FBXO8: variants seen among roughly 807,000 people sequenced by gnomAD.
The protein encoded by FBXO8 is F-box protein 8, also known as F-box only protein 8.
In FBXO8, 15 loss-of-function variants were observed where a neutral mutation model predicts 33.4. The ratio of observed to expected loss-of-function variants is 0.45; its 90% CI spans 0.30 to 0.69. The LOEUF (loss-of-function observed/expected upper bound fraction) is 0.69, where lower values mean the gene tolerates loss of function less well. FBXO8 is among the 30% of genes least tolerant of loss of function. FBXO8 has a pLI of 0.08. For synonymous variants in FBXO8, 132 were observed against 131.5 expected, an observed-to-expected ratio of 1.00 and a Z score of -0.02; for missense variants, 274 against 380.3, an observed-to-expected ratio of 0.72 and a Z score of 2.32.
chr4:174,246,931 C>T (rs984686368), intron 3 of FBXO8, among the ~76,000 whole-genome samples: 3 of 151,818 alleles, frequency 2.0e-5, no homozygotes, highest in Non-Finnish European at 4.4e-5. Flanking sequence ...CTATCAACAA[C>T]GATGCAGGAT....
At chr4:174,266,598 G>A (rs1393754694) in intron 1 of FBXO8, among the ~76,000 whole-genome samples, 3 of 152,138 alleles carry the variant, frequency 2.0e-5, no homozygotes, top group Non-Finnish European at 4.4e-5. Flanking sequence ...AAAATGACGT[G>A]ACATCCATTG....
At position 174,254,303 on chromosome 4, in the gene FBXO8, A is replaced by G. The variant is rs1423093514; in HGVS notation, c.456+5396T>C. On this transcript the variant is annotated intron_variant, in intron 3 of 5. Coordinates refer to ENST00000393674, the MANE Select transcript of FBXO8 (RefSeq NM_012180.3). This position sits in a 1 kb window ranked among gnomAD's most constrained non-coding sequence, Gnocchi z 4.2. ...GTGTCTTACTGTCAACTTGGTTCACATTCTACTACCTGTAAGTTTATTCCT... is the reference window on the plus strand; with the variant it reads ...GTGTCTTACTGTCAACTTGGTTCACGTTCTACTACCTGTAAGTTTATTCCT... 6.6e-6 allele frequency among the ~76,000 whole-genome samples: 1 copy of G among 152,204 alleles called. No homozygotes were observed. Among genetic ancestry groups the G allele is most frequent in the African/African-American group, 2.4e-5 (1 of 41,460 alleles).
Position 174,256,891 on chromosome 4 carries a change from G to A in FBXO8, c.456+2808C>T, listed in dbSNP as rs891026602. Among the ~76,000 whole-genome samples, 2 of 151,684 alleles carry A rather than the reference G, an allele frequency of 1.3e-5. No individual in the cohort carries two copies. Among genetic ancestry groups the A allele is most frequent in the Non-Finnish European group, 2.9e-5 (2 of 67,950 alleles). ...TTCAGTGCCTCTGGAATGTTCCAGA[G>A]TATCTTTAAATCAGGCCAGGGAGTA... On this transcript the variant is annotated intron_variant, in intron 3 of 5. Transcript: ENST00000393674. The surrounding 1 kb of genome is among the most constrained non-coding windows in gnomAD (Gnocchi z 4.6).
Position 174,247,419 on chromosome 4 carries a change from C to CTTG in FBXO8, c.457-6202_457-6201insCAA, listed in dbSNP as rs35289200. Among the ~76,000 whole-genome samples, 47,208 of 151,650 alleles carry CTTG rather than the reference C, an allele frequency of 0.31. 7,833 individuals carry two copies. The highest frequency in any genetic ancestry group is 0.37 in the Non-Finnish European group (24,801 of 67,800). On this transcript the variant is annotated intron_variant, in intron 3 of 5. Transcript: ENST00000393674. The surrounding 1 kb of genome is among the most constrained non-coding windows in gnomAD (Gnocchi z 4.6). ...GTAAAATCTAGTACAATGGCCACTACTTTTCAGGTCATCAAACTGCCCTTA... is the reference window on the plus strand; with the variant it reads ...GTAAAATCTAGTACAATGGCCACTACTTGTTTTCAGGTCATCAAACTGCCCTTA...
Position 174,272,767 on chromosome 4 carries a change from A to G in FBXO8, c.-8-9667T>C, listed in dbSNP as rs1323500405. 2.0e-5 allele frequency among the ~76,000 whole-genome samples: 3 copies of G among 152,222 alleles called. No individual in the cohort carries two copies. Among genetic ancestry groups the G allele is most frequent in the South Asian group, 2.1e-4 (1 of 4,830 alleles). Reference sequence around the variant, plus strand: ...ACAGAATCCCAAAGTATCTTCCCACATATCAGTCATTAATTACAAGAAAAA... The same window carrying G: ...ACAGAATCCCAAAGTATCTTCCCACGTATCAGTCATTAATTACAAGAAAAA... On this transcript the variant is annotated intron_variant, in intron 1 of 5. Transcript: ENST00000393674. This position sits in a 1 kb window ranked among gnomAD's most constrained non-coding sequence, Gnocchi z 4.7.
At position 174,252,129 on chromosome 4, in the gene FBXO8, C is replaced by G. The variant is rs912477216; in HGVS notation, c.456+7570G>C. Among the ~76,000 whole-genome samples the G allele has an allele frequency of 6.6e-6, 1 of 151,992 alleles. No individual in the cohort carries two copies. Among genetic ancestry groups the G allele is most frequent in the Non-Finnish European group, 1.5e-5 (1 of 68,004 alleles). ...GACTCCAGACACATGCTATCATACC[C>G]GGTTAATTTCTGTATTTTTTGTAGA... On this transcript the variant is annotated intron_variant, in intron 3 of 5. Transcript: ENST00000393674. This position sits in a 1 kb window ranked among gnomAD's most constrained non-coding sequence, Gnocchi z 5.1.
intron 4 of FBXO8, 110 bp downstream of exon 4, chr4:174,240,990 C>T (rs1736021822): frequency 1.8e-6 from 1 of 551,242 alleles, no homozygotes; most frequent in Admixed American, 3.6e-5. Context: ...TGTCTTTATT[C>T]AATTTTGCAA....
At chr4:174,248,891 G>C (rs1736224127) in intron 3 of FBXO8, among the ~76,000 whole-genome samples, 1 of 152,016 alleles carries the variant, frequency 6.6e-6, no homozygotes, top group Admixed American at 6.6e-5. Context: ...CCACATAAAA[G>C]AGTGATGGTT....
In FBXO8 at chr4:174,263,119, G is replaced by A. The variant is rs1227029768; in HGVS notation, c.-8-19C>T. On this transcript the variant is annotated intron_variant, in intron 1 of 5. Transcript: ENST00000393674. The surrounding 1 kb of genome is among the most constrained non-coding windows in gnomAD (Gnocchi z 4.2). ...TGCAAGCCTGGGAAAAAGCCAGAAT[G>A]TAATAAGGGTGACATTTAAAAAGTA... 1.9e-6 allele frequency: 3 copies of A among 1,596,984 alleles called. No individual in the cohort carries two copies. The highest frequency in any genetic ancestry group is 1.7e-5 in the Admixed American group (1 of 58,906).
intron 3 of FBXO8, among the ~76,000 whole-genome samples, chr4:174,249,571 C>T (rs781424695): frequency 7.9e-5 from 12 of 151,874 alleles, no homozygotes; most frequent in Non-Finnish European, 5.9e-5. Flanking sequence ...TTTAACAGCT[C>T]TGAAACAGTT....
Position 174,257,709 on chromosome 4 carries a change from C to A in FBXO8, c.456+1990G>T, listed in dbSNP as rs1736447573. Among the ~76,000 whole-genome samples, 1 of 152,108 alleles carries A rather than the reference C, an allele frequency of 6.6e-6. No individual in the cohort carries two copies. Among genetic ancestry groups the A allele is most frequent in the Admixed American group, 6.6e-5 (1 of 15,254 alleles). On this transcript the variant is annotated intron_variant, in intron 3 of 5. Coordinates refer to ENST00000393674, the MANE Select transcript of FBXO8 (RefSeq NM_012180.3). This position sits in a 1 kb window ranked among gnomAD's most constrained non-coding sequence, Gnocchi z 4.3. ...TCATTGAGACAGGGTCTCACTCTCA[C>A]AGCTTATTGCACTCTTGACCTCTGG...
rs1736321395 is a variant in FBXO8 at position 174,252,665 on chromosome 4, A to ACACACACACACG, written c.456+7022_456+7033dup. Among the ~76,000 whole-genome samples the ACACACACACACG allele has an allele frequency of 7.5e-6, 1 of 133,646 alleles. No individual in the cohort carries two copies. Among genetic ancestry groups the ACACACACACACG allele is most frequent in the Non-Finnish European group, 1.8e-5 (1 of 55,576 alleles). 87.7% of individuals were successfully genotyped at this position (133,646 alleles called of 152,430 possible). On this transcript the variant is annotated intron_variant, in intron 3 of 5. Coordinates refer to ENST00000393674, the MANE Select transcript of FBXO8 (RefSeq NM_012180.3). This position sits in a 1 kb window ranked among gnomAD's most constrained non-coding sequence, Gnocchi z 5.1. ...CATGTGAGTGCATGCACACACACAC[A>ACACACACACACG]CACACACACACGCACAGACAATACT...
chr4:174,266,650 G>A (rs141821538), intron 1 of FBXO8, among the ~76,000 whole-genome samples: 1 of 152,148 alleles, frequency 6.6e-6, no homozygotes, highest in Admixed American at 6.5e-5. Flanking sequence ...ATAGTGGTAT[G>A]GGTTTTGAAG....
intron 4 of FBXO8, among the ~76,000 whole-genome samples, chr4:174,240,195 A>G (rs953295351): frequency 1.3e-5 from 2 of 151,374 alleles, no homozygotes; most frequent in Admixed American, 6.6e-5. Context: ...ACCCCTGCCT[A>G]TCCCTAGGTA....
rs1327949930 is a variant in FBXO8, at chr4:174,259,543, T to A, written c.456+156A>T. ...ATGGTAAGGCGAAGAAAAATGACTATGTCACATAGCAATAGTTTAAAATAT... is the reference window on the plus strand; with the variant it reads ...ATGGTAAGGCGAAGAAAAATGACTAAGTCACATAGCAATAGTTTAAAATAT... On this transcript the variant is annotated intron_variant, in intron 3 of 5. Transcript: ENST00000393674. This position sits in a 1 kb window ranked among gnomAD's most constrained non-coding sequence, Gnocchi z 4.3. Among the ~76,000 whole-genome samples, 5 of 152,058 alleles carry A rather than the reference T, an allele frequency of 3.3e-5. No individual in the cohort carries two copies. The highest frequency in any genetic ancestry group is 7.4e-5 in the Non-Finnish European group (5 of 67,928).
At chr4:174,268,155 C>T (rs531045855) in intron 1 of FBXO8, among the ~76,000 whole-genome samples, 4 of 152,282 alleles carry the variant, frequency 2.6e-5, no homozygotes, top group African/African-American at 9.6e-5. Flanking sequence ...CAATACTGAA[C>T]CATTGTTCCT....
In FBXO8 at chr4:174,257,947, C is replaced by CA. The variant is rs1463908358; in HGVS notation, c.456+1751dup. Among the ~76,000 whole-genome samples, 5 of 152,104 alleles carry CA rather than the reference C, an allele frequency of 3.3e-5. No homozygotes were observed. In the East Asian group the frequency reaches 7.7e-4, roughly 24 times the overall value. On this transcript the variant is annotated intron_variant, in intron 3 of 5. Coordinates refer to ENST00000393674, the MANE Select transcript of FBXO8 (RefSeq NM_012180.3). This position sits in a 1 kb window ranked among gnomAD's most constrained non-coding sequence, Gnocchi z 4.3. Reference sequence around the variant, plus strand: ...CTCCCTATGTTGTCCAGGCTGGTCTCAAACTCTTGGGCTCAAGTGGTCCGC... The same window carrying CA: ...CTCCCTATGTTGTCCAGGCTGGTCTCAAAACTCTTGGGCTCAAGTGGTCCGC...
rs1737006193 is a variant in FBXO8 at position 174,278,608 on chromosome 4, T to G, written c.-9+4802A>C. 6.6e-6 allele frequency among the ~76,000 whole-genome samples: 1 copy of G among 152,078 alleles called. No individual in the cohort carries two copies. The highest frequency in any genetic ancestry group is 2.1e-4 in the South Asian group (1 of 4,828). ...TATTTTTAATTATATGGTTCTTACT[T>G]AATTGTATCACTATTTACTTAAAGT... is the stretch of plus-strand genomic sequence containing the variant. On this transcript the variant is annotated intron_variant, in intron 1 of 5. Coordinates refer to ENST00000393674, the MANE Select transcript of FBXO8 (RefSeq NM_012180.3). The surrounding 1 kb of genome is among the most constrained non-coding windows in gnomAD (Gnocchi z 4.1).
rs1737194895 is a variant in FBXO8 at position 174,283,456 on chromosome 4, G to C, written c.-55C>G. 6.4e-6 allele frequency: 1 copy of C among 157,346 alleles called. No homozygotes were observed. The highest frequency in any genetic ancestry group is 2.4e-5 in the African/African-American group (1 of 41,682). The allele number at this position is 157,346 out of a possible 1,614,324, so 9.7% of individuals were successfully genotyped here. A position where few individuals can be genotyped will look rare whatever the true frequency, so the allele number is the denominator to read the frequency against. ...CCGCCGCCGCGACGAATTGGCCTCT[G>C]GGCGGGGACTTTTAGCCAAAAGGAA... On this transcript the variant is annotated 5_prime_UTR_variant, in exon 1 of 6. Coordinates refer to ENST00000393674, the MANE Select transcript of FBXO8 (RefSeq NM_012180.3). The surrounding 1 kb of genome is among the most constrained non-coding windows in gnomAD (Gnocchi z 6.7).
Sources: gnomAD v4.1 joint callset for allele counts (sites outside exome capture counted in the v4.1 genomes callset) on GRCh38, gnomAD v4.1.1 for gene constraint, Gnocchi (gnomAD v3.1) non-coding constraint, MANE v1.5 for transcripts, NCBI Gene and HGNC (gene_info 2026-07-23, HGNC 2026-07-21) for gene names.